ANKRD31: variants seen among roughly 807,000 people sequenced by gnomAD.
ANKRD31 encodes the protein ankyrin repeat domain 31, also known as ankyrin repeat domain-containing protein 31.
A neutral mutation model predicts 186.0 loss-of-function variants in ANKRD31; 147 were observed. The observed-to-expected ratio is 0.79, with a 90% CI of 0.69 to 0.91. The LOEUF (loss-of-function observed/expected upper bound fraction) is 0.91. Among genes scored for constraint, ANKRD31 ranks in the 40% least tolerant of loss-of-function variants. The pLI is 0.00. For missense variants in ANKRD31, 1,986 were observed against 2,148.8 expected (o/e 0.92, Z 1.50); for synonymous variants, 673 against 736.4 (o/e 0.91, Z 1.39).
At chr5:75,173,574 C>T (rs1466953957) in intron 10 of ANKRD31, among the ~76,000 whole-genome samples, 3 of 152,148 alleles carry the variant, frequency 2.0e-5, no homozygotes, top group Admixed American at 2.0e-4. Flanking sequence ...CACAAGCATT[C>T]CTATACACCA....
intron 10 of ANKRD31, among the ~76,000 whole-genome samples, chr5:75,174,671 C>T (rs1484317915): frequency 6.6e-6 from 1 of 152,076 alleles, no homozygotes; most frequent in African/African-American, 2.4e-5. Context: ...AAATCAAAAC[C>T]ACAAAGAGAT....
chr5:75,177,740 A>G (rs1421829510), intron 10 of ANKRD31, among the ~76,000 whole-genome samples: 1 of 152,210 alleles, frequency 6.6e-6, no homozygotes, highest in Non-Finnish European at 1.5e-5. Flanking sequence ...GAAGCACTAA[A>G]CATGGAAAGG....
At chr5:75,144,892 A>T (rs1161793071) in intron 14 of ANKRD31, among the ~76,000 whole-genome samples, 1 of 152,144 alleles carries the variant, frequency 6.6e-6, no homozygotes, top group African/African-American at 2.4e-5. Context: ...CAAATTTACA[A>T]GAAAAAAACA....
chr5:75,123,750 G>A (rs1373113189), intron 17 of ANKRD31, among the ~76,000 whole-genome samples: 6 of 151,972 alleles, frequency 3.9e-5, no homozygotes, highest in Non-Finnish European at 8.8e-5. Context: ...GCCATACGTA[G>A]AAGAATGTCT....
chr5:75,146,748 T>C lies in ANKRD31; in HGVS notation c.2663A>G (p.Asn888Ser), dbSNP rs1384462245. 3 of 1,536,294 alleles carry C rather than the reference T, an allele frequency of 2.0e-6. No individual in the cohort carries two copies. The Admixed American group carries it at 5.9e-5, about 30-fold the overall frequency. Residue 888 changes from asparagine to serine, a missense_variant, in exon 14 of 26, where the codon AAT (asparagine) becomes AGT (serine). Physicochemically the swap from Asn to Ser is conservative, Grantham distance 46. Coordinates refer to ENST00000506364, the MANE Select transcript of ANKRD31 (RefSeq NM_001372053.1). ...TTCCTTTACAAAGGATAGGAAAGAATTTTCCCATTTGTTAAATCTCTCATC... is the reference window on the plus strand; with the variant it reads ...TTCCTTTACAAAGGATAGGAAAGAACTTTCCCATTTGTTAAATCTCTCATC... The part of the protein sequence containing the change: ...PKDERFNKWE[N>S]SFLSFVKENS...
intron 15 of ANKRD31, among the ~76,000 whole-genome samples, chr5:75,140,572 G>A (rs993016879): frequency 2.6e-5 from 4 of 152,152 alleles, no homozygotes; most frequent in African/African-American, 9.7e-5. Context: ...TTCTTCTCTT[G>A]AATAGCTTGC....
At chr5:75,159,162 T>A (rs1019581634) in intron 11 of ANKRD31, among the ~76,000 whole-genome samples, 1 of 151,860 alleles carries the variant, frequency 6.6e-6, no homozygotes, top group African/African-American at 2.4e-5. Context: ...GAGAGACAGA[T>A]TAACAAAGAT....
chr5:75,228,348 G>A lies in ANKRD31; in HGVS notation c.178+2214C>T, dbSNP rs540796279. Among the ~76,000 whole-genome samples the A allele has an allele frequency of 4.6e-5, 7 of 152,228 alleles. No individual in the cohort carries two copies. The East Asian group carries it at 1.4e-3, about 29-fold the overall frequency. ...ATTTTAATGTTTTTCATTTATCGTTGCAAAACCAAGGACAATTTTATAACT... is the reference window on the plus strand; with the variant it reads ...ATTTTAATGTTTTTCATTTATCGTTACAAAACCAAGGACAATTTTATAACT... On this transcript the variant is annotated intron_variant, in intron 2 of 25. Transcript: ENST00000506364.
chr5:75,109,168 A>G (rs1380853486), intron 20 of ANKRD31, among the ~76,000 whole-genome samples: 1 of 152,202 alleles, frequency 6.6e-6, no homozygotes, highest in Non-Finnish European at 1.5e-5. Flanking sequence ...GAGTAAACCT[A>G]TTCTATCCTT....
At chr5:75,135,790 A>G (rs1750524514) in intron 17 of ANKRD31, among the ~76,000 whole-genome samples, 1 of 152,196 alleles carries the variant, frequency 6.6e-6, no homozygotes, top group Non-Finnish European at 1.5e-5. Flanking sequence ...CAGTAACCAA[A>G]ACAGCATGGT....
intron 1 of ANKRD31, among the ~76,000 whole-genome samples, chr5:75,234,970 C>G (rs2150328378): frequency 1.3e-5 from 2 of 152,064 alleles, no homozygotes; most frequent in Middle Eastern, 6.8e-3. Flanking sequence ...CCCATCATTT[C>G]CTCGCTGGTT....
chr5:75,168,282 C>T (rs1753065325), intron 11 of ANKRD31, among the ~76,000 whole-genome samples: 1 of 152,128 alleles, frequency 6.6e-6, no homozygotes, highest in South Asian at 2.1e-4. Context: ...AATACCCTTT[C>T]CCATCCTAGA....
chr5:75,150,878 C>T (rs761152213), intron 12 of ANKRD31, among the ~76,000 whole-genome samples: 23 of 151,932 alleles, frequency 1.5e-4, no homozygotes, highest in South Asian at 4.1e-4. Context: ...AATGTTAATA[C>T]GATTGTTTTA....
At chr5:75,197,391 A>T (rs1460402082) in intron 6 of ANKRD31, among the ~76,000 whole-genome samples, 1 of 152,188 alleles carries the variant, frequency 6.6e-6, no homozygotes, top group East Asian at 1.9e-4. Context: ...TCCAAAAATC[A>T]AATCCACCAT....
rs1744369768 is a variant in ANKRD31, at chr5:75,073,048, A to G, written c.5648-4384T>C. 2.6e-5 allele frequency among the ~76,000 whole-genome samples: 4 copies of G among 152,200 alleles called. No homozygotes were observed. The South Asian group carries it at 8.3e-4, about 32-fold the overall frequency. On this transcript the variant is annotated intron_variant, in intron 25 of 25. Coordinates refer to ENST00000506364, the MANE Select transcript of ANKRD31 (RefSeq NM_001372053.1). The stretch of plus-strand genomic sequence containing the variant: ...CTTGAGATGATGCAGCCACATGTTA[A>G]CTTGGGAAAAGTTGGGAAAAATCAG...
At chr5:75,121,439 T>C (rs188187700) in intron 17 of ANKRD31, among the ~76,000 whole-genome samples, 1 of 152,226 alleles carries the variant, frequency 6.6e-6, no homozygotes, top group East Asian at 1.9e-4. Flanking sequence ...GGAGTTAAAT[T>C]GAACTTTAGA....
chr5:75,122,697 T>C (rs1748898114), intron 17 of ANKRD31, among the ~76,000 whole-genome samples: 1 of 152,106 alleles, frequency 6.6e-6, no homozygotes, highest in Admixed American at 6.6e-5. Flanking sequence ...ATCATTTCAA[T>C]AGATGTGGAA....
At chr5:75,100,399 G>A (rs1260930472) in intron 22 of ANKRD31, among the ~76,000 whole-genome samples, 1 of 152,174 alleles carries the variant, frequency 6.6e-6, no homozygotes, top group Non-Finnish European at 1.5e-5. Context: ...TGTATATTCT[G>A]TTGATTTGGG....
In ANKRD31 at chr5:75,107,570, C is replaced by T; in HGVS notation, c.4291G>A (p.Val1431Met). 2.0e-6 allele frequency: 3 copies of T among 1,532,984 alleles called. No individual in the cohort carries two copies. Among genetic ancestry groups the T allele is most frequent in the Non-Finnish European group, 2.6e-6 (3 of 1,144,644 alleles). 95.0% of individuals were successfully genotyped at this position (1,532,984 alleles called of 1,614,324 possible). Residue 1431 changes from valine to methionine, a missense_variant, in exon 21 of 26, where the codon GTG (valine) becomes ATG (methionine). Coordinates refer to ENST00000506364, the MANE Select transcript of ANKRD31 (RefSeq NM_001372053.1). ...CTTTCTGCTTTCTGCTTGGCAAGCA[C>T]ATTATCCATAATCTTTTTTATCTTT... ...MLKIKKIMDN[V>M]LAKQKAERDD...
Sources: gnomAD v4.1 joint callset for allele counts (sites outside exome capture counted in the v4.1 genomes callset) on GRCh38, gnomAD v4.1.1 for gene constraint, MANE v1.5 for transcripts, NCBI Gene and HGNC (gene_info 2026-07-23, HGNC 2026-07-21) for gene names.